The following AP3D1 variants were observed in gnomAD, a reference collection of about 807,000 sequenced individuals.
The protein encoded by AP3D1 is AP-3 complex subunit delta-1.
In AP3D1, 51 loss-of-function variants were observed where a neutral mutation model predicts 147.6. That is an observed-to-expected ratio of 0.35 (90% CI 0.28 to 0.44). AP3D1 has a LOEUF of 0.44. Among genes scored for constraint, AP3D1 ranks in the 20% least tolerant of loss-of-function variants. The pLI, the probability that AP3D1 is intolerant of heterozygous loss-of-function variation, is 1.00. For synonymous variants in AP3D1, 760 were observed against 663.0 expected (o/e 1.15, Z -2.25); for missense variants, 1,421 against 1,624.2 (o/e 0.87, Z 2.15).
Position 2,128,461 on chromosome 19 carries a change from C to T in AP3D1, c.806+629G>A, listed in dbSNP as rs571277487. ...ACTCCAGCACTGCACCCCGTGGAGC[C>T]GGCCCGCCCCCGCCGCTCCGACACT... On this transcript the variant is annotated intron_variant, in intron 8 of 31. Transcript: ENST00000643116. 3.5e-3 allele frequency among the ~76,000 whole-genome samples: 411 copies of T among 117,532 alleles called. 4 individuals are homozygous for T. Among genetic ancestry groups the T allele is most frequent in the Middle Eastern group, 8.6e-3 (2 of 232 alleles). 77.1% of individuals were successfully genotyped at this position (117,532 alleles called of 152,430 possible).
chr19:2,164,292 C>T (rs1599515540), intron 1 of AP3D1: 5 of 1,239,408 alleles, frequency 4.0e-6, no homozygotes, highest in Admixed American at 4.1e-5. Flanking sequence ...ACCGTCCCTA[C>T]CTCCCGGCCT....
At chr19:2,108,240 C>T (rs549043069) in intron 31 of AP3D1, among the ~76,000 whole-genome samples, 176 of 152,356 alleles carry the variant, frequency 1.2e-3, no homozygotes, top group African/African-American at 3.9e-3. Flanking sequence ...AAGCCCTCAA[C>T]AAAATATTCA....
At chr19:2,155,034 G>T (rs1270215195), upstream of AP3D1, among the ~76,000 whole-genome samples, 4 of 152,080 alleles carry the variant, frequency 2.6e-5, no homozygotes, top group Admixed American at 2.0e-4. Context: ...ACAAAAATTA[G>T]CCGGGCGTGG....
At position 2,114,791 on chromosome 19, in the gene AP3D1, C is replaced by CT; in HGVS notation, c.2379dup (p.Asp794ArgfsTer12). 1 of 1,614,042 alleles carries CT rather than the reference C, an allele frequency of 6.2e-7. No individual in the cohort carries two copies. On this transcript the variant is annotated frameshift_variant, in exon 21 of 32. Coordinates refer to ENST00000643116, the MANE Select transcript of AP3D1 (RefSeq NM_001261826.3). LOFTEE classifies it high-confidence loss of function. ...AGAGCCCTGTAGGGGTCGTTGGGGTCTTTGTCATCCTCGTCGCTGGGCAGA... is the reference window on the plus strand; with the variant it reads ...AGAGCCCTGTAGGGGTCGTTGGGGTCTTTTGTCATCCTCGTCGCTGGGCAGA...
At chr19:2,127,560 T>C (rs1179151849) in intron 8 of AP3D1, among the ~76,000 whole-genome samples, 1 of 152,262 alleles carries the variant, frequency 6.6e-6, no homozygotes, top group African/African-American at 2.4e-5. Flanking sequence ...AGTCTCGCTC[T>C]GTTGCCCAGG....
chr19:2,162,390 TA>T lies in AP3D1; in HGVS notation c.-103+1965del, dbSNP rs2019724664. On this transcript the variant is annotated intron_variant, in intron 1 of 14. Coordinates refer to the AP3D1 transcript ENST00000643010. ...GGCCGGGTGCGGTGGCTGATGCCTA[TA>T]AATCTCCGAATTTCGAATTTCGGGA... is the stretch of plus-strand genomic sequence containing the variant. Among the ~76,000 whole-genome samples, 11 of 148,288 alleles carry T rather than the reference TA, an allele frequency of 7.4e-5. 2 individuals are homozygous for T. The South Asian group carries it at 2.4e-3, about 32-fold the overall frequency.
chr19:2,111,022 G>A, intron 26 of AP3D1, 126 bp from the exon 27 acceptor site: 2 of 1,122,314 alleles, frequency 1.8e-6, no homozygotes, highest in East Asian at 2.6e-5. Context: ...ACGGAGAGGG[G>A]CGCCCCCTAG....
chr19:2,156,322 A>G (rs2019645075), upstream of AP3D1, among the ~76,000 whole-genome samples: 1 of 151,986 alleles, frequency 6.6e-6, no homozygotes, highest in Non-Finnish European at 1.5e-5. Flanking sequence ...CCTTTCATCC[A>G]TCCTTCCACC....
At chr19:2,146,669 C>T (rs2019365227) in intron 1 of AP3D1, among the ~76,000 whole-genome samples, 1 of 150,894 alleles carries the variant, frequency 6.6e-6, no homozygotes, top group African/African-American at 2.4e-5. Context: ...GCAATCAAAG[C>T]AGCTCAGAGG....
Position 2,123,469 on chromosome 19 carries a change from A to G in AP3D1, c.907-63T>C. ...TAAACCAAGGGTGAGTCCCACAGGT[A>G]CCCTCCAGATTCAACCTCAACCTGG... is the stretch of plus-strand genomic sequence containing the variant. On this transcript the variant is annotated intron_variant, in intron 10 of 31. Transcript: ENST00000643116. 1.9e-6 allele frequency: 3 copies of G among 1,563,800 alleles called. 1 individual carries two copies. The South Asian group carries it at 3.4e-5, about 18-fold the overall frequency.
chr19:2,113,290 C>T (rs1413486506), intron 23 of AP3D1, 46 bp downstream of exon 23: 2 of 1,092,040 alleles, frequency 1.8e-6, no homozygotes, highest in African/African-American at 1.6e-5. Flanking sequence ...CAGGTATGAC[C>T]TCTGCAGACA....
At chr19:2,149,102 A>C (rs749227849) in intron 1 of AP3D1, among the ~76,000 whole-genome samples, 31 of 152,254 alleles carry the variant, frequency 2.0e-4, no homozygotes, top group Non-Finnish European at 4.3e-4. Flanking sequence ...TGAACACCTG[A>C]GTTACCACCC....
chr19:2,116,378 G>A (rs2018449601), intron 17 of AP3D1, 100 bp from the exon 18 acceptor site: 2 of 1,365,746 alleles, frequency 1.5e-6, no homozygotes, highest in Non-Finnish European at 2.0e-6. Flanking sequence ...CTGGATCTCT[G>A]GCTATTTTCA....
At chr19:2,157,683 C>T (rs1487661304) in intron 1 of AP3D1, among the ~76,000 whole-genome samples, 1 of 140,968 alleles carries the variant, frequency 7.1e-6, no homozygotes, top group Non-Finnish European at 1.6e-5. Flanking sequence ...ACCCACCCAT[C>T]CATCCCCATC....
chr19:2,130,141 A>G (rs1464386776), intron 6 of AP3D1, among the ~76,000 whole-genome samples: 1 of 150,732 alleles, frequency 6.6e-6, no homozygotes. Flanking sequence ...TGGTCCTAAG[A>G]GGGGCTGGCG....
At position 2,151,225 on chromosome 19, in the gene AP3D1, C is replaced by T. The variant is rs747872620; in HGVS notation, c.96+14G>A. 1.9e-6 allele frequency: 3 copies of T among 1,606,670 alleles called. No individual in the cohort carries two copies. Reference sequence around the variant, plus strand: ...GTGACCAGGCCGAGCAGCCCCTTGGCGCGCCGGGCTCACCTCGTCCTCCTT... The same window carrying T: ...GTGACCAGGCCGAGCAGCCCCTTGGTGCGCCGGGCTCACCTCGTCCTCCTT... On this transcript the variant is annotated intron_variant, in intron 1 of 31. Transcript: ENST00000643116.
chr19:2,130,204 C>T (rs548241348), intron 6 of AP3D1, among the ~76,000 whole-genome samples: 26 of 152,300 alleles, frequency 1.7e-4, no homozygotes, highest in African/African-American at 5.3e-4. Context: ...CCAGCTGCCA[C>T]ATTGGATCTT....
At chr19:2,123,225 G>A in intron 11 of AP3D1, 133 bp downstream of exon 11, 1 of 925,030 alleles carries the variant, frequency 1.1e-6, no homozygotes, top group East Asian at 2.5e-5. Context: ...TGCCTCTGAG[G>A]CAGAGTGCCA....
At chr19:2,145,760 C>G (rs2019339894) in intron 1 of AP3D1, among the ~76,000 whole-genome samples, 1 of 152,044 alleles carries the variant, frequency 6.6e-6, no homozygotes, top group Non-Finnish European at 1.5e-5. Context: ...AAGCCACCTC[C>G]ACACACACAC....
Sources: allele counts gnomAD v4.1 joint callset (sites outside exome capture counted in the v4.1 genomes callset), GRCh38; gene constraint gnomAD v4.1.1; transcripts MANE v1.5; gene names NCBI Gene and HGNC (gene_info 2026-07-23, HGNC 2026-07-21).